The following TMEM132C variants were observed in gnomAD, a reference collection of about 807,000 sequenced individuals.
TMEM132C encodes the protein protein phosphatase 1, regulatory subunit 152.
Under a neutral mutation model 61.4 loss-of-function variants are expected in TMEM132C, and 29 were observed. That is an observed-to-expected ratio of 0.47 (90% CI 0.35 to 0.64). TMEM132C has a LOEUF of 0.64. TMEM132C is among the 30% of genes least tolerant of loss of function. The pLI is 0.00. For synonymous variants in TMEM132C, 656 were observed against 633.1 expected, an observed-to-expected ratio of 1.04 and a Z score of -0.54; for missense variants, 1,408 against 1,476.9, an observed-to-expected ratio of 0.95 and a Z score of 0.76.
chr12:128,564,115 T>A (rs1348795193), intron 3 of TMEM132C, among the ~76,000 whole-genome samples: 1 of 152,170 alleles, frequency 6.6e-6, no homozygotes, highest in Admixed American at 6.5e-5. Context: ...TCCTTGCGCC[T>A]CACATGGCAG....
chr12:128,340,847 C>CTT (rs1555218706), intron 1 of TMEM132C, among the ~76,000 whole-genome samples: 173 of 142,152 alleles, frequency 1.2e-3, no homozygotes, highest in African/African-American at 4.5e-3. Context: ...CTCTCTTTCT[C>CTT]TCTTTCTTTC....
chr12:128,439,865 T>TA (rs1363741529), intron 2 of TMEM132C, among the ~76,000 whole-genome samples: 3 of 152,152 alleles, frequency 2.0e-5, no homozygotes, highest in Non-Finnish European at 4.4e-5. Context: ...GTGATTCTGA[T>TA]AGTGCTCCCA....
At chr12:128,385,199 C>T (rs920172684) in intron 1 of TMEM132C, among the ~76,000 whole-genome samples, 1 of 152,178 alleles carries the variant, frequency 6.6e-6, no homozygotes, top group Non-Finnish European at 1.5e-5. Context: ...AGGAGACCTG[C>T]TGCATAGGAT....
intron 2 of TMEM132C, among the ~76,000 whole-genome samples, chr12:128,505,945 G>T (rs1464134663): frequency 1.3e-5 from 2 of 152,154 alleles, no homozygotes; most frequent in Non-Finnish European, 2.9e-5. Flanking sequence ...ATGTTTTAGA[G>T]CCTCTTTCAT....
At chr12:128,553,119 A>G (rs938661571) in intron 3 of TMEM132C, among the ~76,000 whole-genome samples, 33 of 152,166 alleles carry the variant, frequency 2.2e-4, no homozygotes, top group Admixed American at 1.9e-3. Context: ...CACACATAAT[A>G]TATGCTAACA....
intron 2 of TMEM132C, among the ~76,000 whole-genome samples, chr12:128,445,635 G>A (rs939568553): frequency 2.0e-4 from 30 of 152,292 alleles, no homozygotes; most frequent in African/African-American, 5.8e-4. Flanking sequence ...GCACCCAGGC[G>A]GCTGCCGCTG....
Position 128,591,815 on chromosome 12 carries a change from G to T in TMEM132C, c.1122-24337G>T, listed in dbSNP as rs367806248. The stretch of plus-strand genomic sequence containing the variant: ...GCCTGTAATCCCAGCACTTTGGGAG[G>T]CCGAGGCAGGTGGATCACTTGAGGT... On this transcript the variant is annotated intron_variant, in intron 3 of 8. Coordinates refer to ENST00000435159, the MANE Select transcript of TMEM132C (RefSeq NM_001136103.3). 3.3e-5 allele frequency among the ~76,000 whole-genome samples: 5 copies of T among 152,114 alleles called. No individual in the cohort carries two copies. The East Asian group carries it at 7.7e-4, about 24-fold the overall frequency.
chr12:128,439,853 G>T (rs1593053783), intron 2 of TMEM132C, among the ~76,000 whole-genome samples: 1 of 152,274 alleles, frequency 6.6e-6, no homozygotes, highest in South Asian at 2.1e-4. Flanking sequence ...GCAGCAGAAT[G>T]AGTGATTCTG....
chr12:128,614,423 G>A (rs2135582592), intron 3 of TMEM132C, among the ~76,000 whole-genome samples: 1 of 152,220 alleles, frequency 6.6e-6, no homozygotes, highest in African/African-American at 2.4e-5. Flanking sequence ...ACAGGACACA[G>A]TTTGCTGTCT....
At chr12:128,306,424 G>A (rs1487992426) in intron 1 of TMEM132C, among the ~76,000 whole-genome samples, 2 of 151,916 alleles carry the variant, frequency 1.3e-5, no homozygotes, top group South Asian at 2.1e-4. Flanking sequence ...GGATGGTCTC[G>A]ATCTCCTGAC....
rs148822377 is a variant in TMEM132C at position 128,520,956 on chromosome 12, T to G, written c.975-23001T>G. Among the ~76,000 whole-genome samples the G allele has an allele frequency of 3.0e-3, 460 of 152,196 alleles. 17 individuals carry two copies. In the East Asian group the frequency reaches 0.076, roughly 25 times the overall value. On this transcript the variant is annotated intron_variant, in intron 2 of 8. Transcript: ENST00000435159. ...CAGCTGCAGGAACATCCCCTGAGTC[T>G]GCCTCTAGCTTCCCTATCTTAGTGC...
intron 4 of TMEM132C, among the ~76,000 whole-genome samples, chr12:128,646,848 C>T (rs1349915452): frequency 1.4e-5 from 2 of 143,858 alleles, no homozygotes; most frequent in Non-Finnish European, 3.0e-5. Context: ...GTGTGTTTAG[C>T]TCAGTCCATC....
chr12:128,337,165 T>C (rs1288300871), intron 1 of TMEM132C, among the ~76,000 whole-genome samples: 1 of 152,188 alleles, frequency 6.6e-6, no homozygotes, highest in African/African-American at 2.4e-5. Flanking sequence ...TCCCTTTTTT[T>C]TTCATGGTCT....
At position 128,278,750 on chromosome 12, in the gene TMEM132C, A is replaced by ATATG. The variant is rs901155053; in HGVS notation, c.85+11264_85+11265insATGT. 7.3e-6 allele frequency among the ~76,000 whole-genome samples: 1 copy of ATATG among 136,966 alleles called. No individual in the cohort carries two copies. Among genetic ancestry groups the ATATG allele is most frequent in the African/African-American group, 2.7e-5 (1 of 37,460 alleles). 89.9% of individuals were successfully genotyped at this position (136,966 alleles called of 152,430 possible). On this transcript the variant is annotated intron_variant, in intron 1 of 8. Transcript: ENST00000435159. The surrounding 1 kb of genome is among the most constrained non-coding windows in gnomAD (Gnocchi z 4.2). ...TGTGCAGACTTGATTCTATACGTGT[A>ATATG]TGTGTGTGTGTGTGTGTGTGTGTGT...
At chr12:128,517,040 A>G (rs1454144800) in intron 2 of TMEM132C, among the ~76,000 whole-genome samples, 1 of 150,062 alleles carries the variant, frequency 6.7e-6, no homozygotes, top group Non-Finnish European at 1.5e-5. Flanking sequence ...TGGCCAACAC[A>G]GTGACACCTG....
chr12:128,439,841 G>C (rs1869724340), intron 2 of TMEM132C, among the ~76,000 whole-genome samples: 1 of 152,140 alleles, frequency 6.6e-6, no homozygotes, highest in South Asian at 2.1e-4. Flanking sequence ...GCAGATGATG[G>C]AGCAGCAGAA....
intron 2 of TMEM132C, among the ~76,000 whole-genome samples, chr12:128,484,709 C>A (rs1871429938): frequency 6.6e-6 from 1 of 152,146 alleles, no homozygotes; most frequent in African/African-American, 2.4e-5. Flanking sequence ...GTAATCTCAG[C>A]ACTTTGGGAG....
intron 4 of TMEM132C, among the ~76,000 whole-genome samples, chr12:128,617,109 G>A (rs1217433895): frequency 6.6e-6 from 1 of 152,170 alleles, no homozygotes. Flanking sequence ...GGAACATTTT[G>A]AGTAGATGCC....
chr12:128,637,244 C>T (rs148951363), intron 4 of TMEM132C, among the ~76,000 whole-genome samples: 3 of 152,362 alleles, frequency 2.0e-5, no homozygotes, highest in African/African-American at 4.8e-5. Context: ...ACAATCCCCA[C>T]AGGAACAGTA....
Sources: gnomAD v4.1 joint callset for allele counts (sites outside exome capture counted in the v4.1 genomes callset) on GRCh38, gnomAD v4.1.1 for gene constraint, Gnocchi (gnomAD v3.1) non-coding constraint, MANE v1.5 for transcripts, NCBI Gene and HGNC (gene_info 2026-07-23, HGNC 2026-07-21) for gene names.